CHST9: variants seen among roughly 807,000 people sequenced by gnomAD.
The protein encoded by CHST9 is carbohydrate sulfotransferase 9, also known as GalNAc-4-sulfotransferase 2.
In CHST9, 41 loss-of-function variants were observed where a neutral mutation model predicts 44.4. The ratio of observed to expected loss-of-function variants is 0.92; its 90% CI spans 0.72 to 1.20. The LOEUF is 1.20. Ranked by LOEUF, CHST9 falls within the 50% of genes most tolerant of loss-of-function variation. The pLI, the probability that CHST9 is intolerant of heterozygous loss-of-function variation, is 0.00. For synonymous variants in CHST9, 171 were observed against 178.4 expected, an observed-to-expected ratio of 0.96 and a Z score of 0.33; for missense variants, 504 against 516.5, an observed-to-expected ratio of 0.98 and a Z score of 0.23.
chr18:26,967,959 G>C (rs2056488680), intron 4 of CHST9, among the ~76,000 whole-genome samples: 1 of 152,222 alleles, frequency 6.6e-6, no homozygotes, highest in South Asian at 2.1e-4. Context: ...AAGTTCTTCA[G>C]CTTTGGACTC....
intron 5 of CHST9, among the ~76,000 whole-genome samples, chr18:26,923,487 TC>T (rs1460694703): frequency 1.3e-5 from 2 of 152,336 alleles, no homozygotes; most frequent in African/African-American, 4.8e-5. Context: ...AGAATATCAT[TC>T]CTGCACTGCT....
intron 5 of CHST9, chr18:26,934,803 G>A (rs2055957164): frequency 6.6e-6 from 1 of 152,198 alleles, no homozygotes; most frequent in Non-Finnish European, 1.5e-5. Flanking sequence ...GGTTTTTAAA[G>A]CCTTCCACGA....
At chr18:26,998,732 A>G (rs907411859) in intron 4 of CHST9, among the ~76,000 whole-genome samples, 1 of 127,274 alleles carries the variant, frequency 7.9e-6, no homozygotes, top group African/African-American at 3.2e-5. Context: ...AAACAAAACA[A>G]CAACAACAAA....
chr18:26,994,607 G>T (rs1038053837), intron 4 of CHST9, among the ~76,000 whole-genome samples: 6 of 152,070 alleles, frequency 3.9e-5, no homozygotes, highest in Non-Finnish European at 7.4e-5. Context: ...GGGCTGGGGG[G>T]TGGACAGGGT....
At chr18:27,083,448 T>C (rs964046297) in intron 2 of CHST9, among the ~76,000 whole-genome samples, 3 of 152,188 alleles carry the variant, frequency 2.0e-5, no homozygotes, top group Non-Finnish European at 2.9e-5. Context: ...CCTCTGAACA[T>C]GTCTTTTCAT....
chr18:27,097,730 T>C (rs1186182482), intron 2 of CHST9, among the ~76,000 whole-genome samples: 2 of 152,148 alleles, frequency 1.3e-5, no homozygotes, highest in Non-Finnish European at 2.9e-5. Flanking sequence ...TACATTTAAG[T>C]CTTTAATCCA....
chr18:26,933,200 C>T (rs879835501), intron 5 of CHST9: 5 of 153,720 alleles, frequency 3.3e-5, no homozygotes, highest in African/African-American at 1.2e-4. Context: ...CTCTGAAGAC[C>T]AGACTTAGTA....
intron 2 of CHST9, among the ~76,000 whole-genome samples, chr18:27,092,497 G>C (rs2058078858): frequency 6.6e-6 from 1 of 152,012 alleles, no homozygotes; most frequent in Admixed American, 6.6e-5. Context: ...GCTTTTGAAT[G>C]TGTTTGCGCT....
chr18:27,181,724 G>C (rs1221934471), intron 1 of CHST9, among the ~76,000 whole-genome samples: 3 of 152,180 alleles, frequency 2.0e-5, no homozygotes, highest in Non-Finnish European at 4.4e-5. Flanking sequence ...AAGTGGGATT[G>C]AATTTCTCAA....
intron 3 of CHST9, among the ~76,000 whole-genome samples, chr18:27,035,522 A>G (rs2057381878): frequency 6.6e-6 from 1 of 152,080 alleles, no homozygotes; most frequent in Admixed American, 6.6e-5. Flanking sequence ...GTGTGCACAT[A>G]TATACATTTT....
chr18:27,022,706 C>A (rs985344964), intron 4 of CHST9, among the ~76,000 whole-genome samples: 1 of 152,160 alleles, frequency 6.6e-6, no homozygotes, highest in African/African-American at 2.4e-5. Context: ...AAATTCCATT[C>A]ATTCTTTAAA....
At chr18:26,993,559 T>A (rs189275655) in intron 4 of CHST9, among the ~76,000 whole-genome samples, 2 of 152,256 alleles carry the variant, frequency 1.3e-5, no homozygotes, top group East Asian at 3.9e-4. Flanking sequence ...AGTTTAATAT[T>A]ATCTTAAGAT....
At chr18:27,053,293 A>G (rs1387423822) in intron 2 of CHST9, among the ~76,000 whole-genome samples, 7 of 138,822 alleles carry the variant, frequency 5.0e-5, no homozygotes, top group Admixed American at 1.5e-4. Flanking sequence ...AAGGAGAAGG[A>G]GAAGGAGAAG....
At chr18:27,136,615 CTTG>C (rs1188271665) in intron 2 of CHST9, among the ~76,000 whole-genome samples, 2 of 152,258 alleles carry the variant, frequency 1.3e-5, no homozygotes. Flanking sequence ...CTATCTCAGA[CTTG>C]TTGTGGGATT....
At chr18:26,952,506 A>T in intron 4 of CHST9, 1 of 461,848 alleles carries the variant, frequency 2.2e-6, no homozygotes. Context: ...CTGGAGGACC[A>T]GTCCATCCAG....
chr18:27,057,765 G>C (rs12968277), intron 2 of CHST9, among the ~76,000 whole-genome samples: 50,633 of 152,168 alleles, frequency 0.33, 9,805 homozygotes, highest in Non-Finnish European at 0.45. Context: ...TCTGCCATCC[G>C]GCATAGCGTG....
intron 4 of CHST9, among the ~76,000 whole-genome samples, 185 bp downstream of exon 4, chr18:27,023,931 T>C (rs1378408234): frequency 6.6e-6 from 1 of 152,180 alleles, no homozygotes; most frequent in East Asian, 1.9e-4. Flanking sequence ...TTGCTTGCTT[T>C]TTCTCCCCAC....
intron 4 of CHST9, among the ~76,000 whole-genome samples, chr18:26,998,440 A>T (rs149485469): frequency 6.6e-6 from 1 of 152,312 alleles, no homozygotes; most frequent in Non-Finnish European, 1.5e-5. Context: ...ACATATCCAG[A>T]TTGGGCTGGG....
At chr18:26,931,030 C>T (rs1256728211) in intron 5 of CHST9, among the ~76,000 whole-genome samples, 2 of 152,186 alleles carry the variant, frequency 1.3e-5, no homozygotes, top group African/African-American at 4.8e-5. Flanking sequence ...AACAGCAATG[C>T]TAACCACAAT....
Sources: gnomAD v4.1 joint callset for allele counts (sites outside exome capture counted in the v4.1 genomes callset) on GRCh38, gnomAD v4.1.1 for gene constraint, MANE v1.5 for transcripts, NCBI Gene and HGNC (gene_info 2026-07-23, HGNC 2026-07-21) for gene names.